Variants in ABCA5 observed in about 807,000 individuals in gnomAD.
The protein encoded by ABCA5 is cholesterol transporter ABCA5.
Under a neutral mutation model 206.0 loss-of-function variants are expected in ABCA5, and 163 were observed. The ratio of observed to expected loss-of-function variants is 0.79; its 90% CI spans 0.70 to 0.90. The LOEUF is 0.90. Among genes scored for constraint, ABCA5 ranks in the 40% least tolerant of loss-of-function variants. ABCA5 has a pLI of 0.00. For synonymous variants in ABCA5, 609 were observed against 613.8 expected (o/e 0.99, Z 0.11); for missense variants, 1,859 against 1,912.9 (o/e 0.97, Z 0.53).
chr17:69,272,681 C>T (rs1159329886), intron 20 of ABCA5, among the ~76,000 whole-genome samples: 1 of 151,936 alleles, frequency 6.6e-6, no homozygotes, highest in African/African-American at 2.4e-5. Flanking sequence ...ATTGCAAAAC[C>T]TAACATTTTC....
intron 19 of ABCA5, among the ~76,000 whole-genome samples, chr17:69,274,593 G>GAA (rs561386053): frequency 7.2e-6 from 1 of 139,852 alleles, no homozygotes; most frequent in East Asian, 2.1e-4. Context: ...AAAAAAAACT[G>GAA]AAAAAAAAAA....
In ABCA5 at chr17:69,247,001, CA is replaced by C. The variant is rs2074959023; in HGVS notation, c.*535del. ...GCCACCTAGTGGATATAACTTTCCT[CA>C]AATCTCTATATTGAGATTTCCTAGT... On this transcript the variant is annotated 3_prime_UTR_variant, in exon 39 of 39. Coordinates refer to ENST00000392676, the MANE Select transcript of ABCA5 (RefSeq NM_172232.4). 1 of 152,008 alleles carries C rather than the reference CA, an allele frequency of 6.6e-6. No homozygotes were observed. The highest frequency in any genetic ancestry group is 2.4e-5 in the African/African-American group (1 of 41,442). 9.4% of individuals were successfully genotyped at this position (152,008 alleles called of 1,614,324 possible).
intron 9 of ABCA5, among the ~76,000 whole-genome samples, chr17:69,298,644 C>T (rs575295800): frequency 3.8e-4 from 57 of 151,784 alleles, no homozygotes; most frequent in Non-Finnish European, 7.2e-4. Flanking sequence ...GCAAGCCACA[C>T]GTAGAAGAAT....
At chr17:69,293,857 TGTGTGTGTGTGTGTGC>T (rs779366368) in intron 11 of ABCA5, among the ~76,000 whole-genome samples, 581 of 106,782 alleles carry the variant, frequency 5.4e-3, no homozygotes, top group Admixed American at 8.0e-3. Context: ...TGTGTGTGTG[TGTGTGTGTGTGTGTGC>T]GTGTGTGTGT....
At position 69,267,992 on chromosome 17, in the gene ABCA5, A is replaced by G; in HGVS notation, c.3095T>C (p.Val1032Ala). The G allele has an allele frequency of 6.2e-7, 1 of 1,612,328 alleles. No individual in the cohort carries two copies. The highest frequency in any genetic ancestry group is 2.2e-5 in the East Asian group (1 of 44,730). ...GGCAAAGTAAGGTGGCATTGCAGTA[A>G]CAATGATTCCAAGCAAAGCTGCTTG... ...YFQAALLGIIVTAMPPYFAME... is the reference protein window; with the variant it reads ...YFQAALLGIIATAMPPYFAME... Residue 1032 changes from valine to alanine, a missense_variant, in exon 23 of 39, where the codon GTT becomes GCT. Physicochemically the swap from Val to Ala is moderately conservative, Grantham distance 64 (BLOSUM62 0). Transcript: ENST00000392676.
At chr17:69,256,067 G>A (rs2075074834) in intron 29 of ABCA5, 90 bp downstream of exon 29, 29 of 1,420,994 alleles carry the variant, frequency 2.0e-5, no homozygotes, top group Non-Finnish European at 2.7e-5. Flanking sequence ...TGCTTCATAT[G>A]CAAAGAAAAA....
chr17:69,252,016 A>ACTTTTATATACTTTTTTT, intron 34 of ABCA5, 150 bp from the exon 35 acceptor site: 1 of 612,598 alleles, frequency 1.6e-6, no homozygotes, highest in Non-Finnish European at 2.6e-6. Flanking sequence ...CCCAACTATG[A>ACTTTTATATACTTTTTTT]TTTTTTTTTT....
intron 18 of ABCA5, among the ~76,000 whole-genome samples, chr17:69,279,490 T>A (rs1288854883): frequency 6.6e-6 from 1 of 151,652 alleles, no homozygotes; most frequent in Non-Finnish European, 1.5e-5. Flanking sequence ...GCCATCCCCA[T>A]CAAGCTACCA....
In ABCA5 at chr17:69,245,406, A is replaced by G. The variant is rs201339831; in HGVS notation, c.*2131T>C. ...ATAGAAAAAAGTTTTGAGATCAGTAATTTAAGACATTTTAAAATTAGTATG... is the reference window on the plus strand; with the variant it reads ...ATAGAAAAAAGTTTTGAGATCAGTAGTTTAAGACATTTTAAAATTAGTATG... On this transcript the variant is annotated 3_prime_UTR_variant, in exon 39 of 39. Transcript: ENST00000392676. 1.8e-4 allele frequency: 27 copies of G among 152,074 alleles called. No individual in the cohort carries two copies. In the East Asian group the frequency reaches 5.2e-3, roughly 29 times the overall value. 9.4% of individuals were successfully genotyped at this position (152,074 alleles called of 1,614,324 possible).
Position 69,326,166 on chromosome 17 carries a change from C to T in ABCA5, c.-16+886G>A, listed in dbSNP as rs1598216372. On this transcript the variant is annotated intron_variant, in intron 1 of 38. Transcript: ENST00000392676. The surrounding 1 kb of genome is among the most constrained non-coding windows in gnomAD (Gnocchi z 4.8). ...CTGAGACCTTAATAAGTTACTTAAC[C>T]TCTTTGAGGCCCATTCTCCACACCT... Among the ~76,000 whole-genome samples the T allele has an allele frequency of 1.3e-5, 2 of 152,142 alleles. No homozygotes were observed. The highest frequency in any genetic ancestry group is 2.9e-5 in the Non-Finnish European group (2 of 68,024).
At chr17:69,282,910 C>T (rs2075410801) in intron 18 of ABCA5, among the ~76,000 whole-genome samples, 1 of 151,722 alleles carries the variant, frequency 6.6e-6, no homozygotes. Flanking sequence ...TTCTCCTGAG[C>T]CTCTAACACT....
chr17:69,317,595 T>A (rs1206700977), intron 1 of ABCA5: 3 of 151,012 alleles, frequency 2.0e-5, no homozygotes, highest in Non-Finnish European at 4.4e-5. Flanking sequence ...CCAGGGAGAG[T>A]AAAGAATGAG....
At chr17:69,258,148 C>T (rs1351909662) in intron 28 of ABCA5, among the ~76,000 whole-genome samples, 1 of 151,948 alleles carries the variant, frequency 6.6e-6, no homozygotes, top group African/African-American at 2.4e-5. Context: ...TACCATTCAA[C>T]CCAGCAATCC....
In ABCA5 at chr17:69,291,422, A is replaced by G. The variant is rs1317165742; in HGVS notation, c.1496-96T>C. On this transcript the variant is annotated intron_variant, in intron 11 of 38. Coordinates refer to ENST00000392676, the MANE Select transcript of ABCA5 (RefSeq NM_172232.4). ...ATTTGAGCAATCTTCAAGGCACTAT[A>G]TCTATAAATACATATTTAAAGTTAC... is the stretch of plus-strand genomic sequence containing the variant. 4.5e-6 allele frequency: 3 copies of G among 669,616 alleles called. No individual in the cohort carries two copies. The Admixed American group carries it at 8.9e-5, about 20-fold the overall frequency. The allele number at this position is 669,616 out of a possible 1,614,324, so 41.5% of individuals were successfully genotyped here.
chr17:69,245,611 T>C lies in ABCA5; in HGVS notation c.*1926A>G, dbSNP rs1219822401. The stretch of plus-strand genomic sequence containing the variant: ...ACAACCAAAATATATTCTGAGTATA[T>C]AAAAACTAAAAAAAAATTTGAATGT... On this transcript the variant is annotated 3_prime_UTR_variant, in exon 39 of 39. Transcript: ENST00000392676. 6.6e-6 allele frequency: 1 copy of C among 151,762 alleles called. No individual in the cohort carries two copies. The highest frequency in any genetic ancestry group is 2.4e-5 in the African/African-American group (1 of 41,366). The allele number at this position is 151,762 out of a possible 1,614,324, so 9.4% of individuals were successfully genotyped here. A position where few individuals can be genotyped will look rare whatever the true frequency, so the allele number is the denominator to read the frequency against.
rs764500531 is a variant in ABCA5 at position 69,254,514 on chromosome 17, T to C, written c.4069-24A>G. Reference sequence around the variant, plus strand: ...ACCTATAGAAACACAAACCAATTTTTATTATTTTGCTTAATTTACACTGTG... The same window carrying C: ...ACCTATAGAAACACAAACCAATTTTCATTATTTTGCTTAATTTACACTGTG... On this transcript the variant is annotated intron_variant, in intron 31 of 38. Transcript: ENST00000392676. 18 of 1,598,190 alleles carry C rather than the reference T, an allele frequency of 1.1e-5. No individual in the cohort carries two copies. The Admixed American group carries it at 3.1e-4, about 28-fold the overall frequency.
At position 69,295,445 on chromosome 17, in the gene ABCA5, T is replaced by C. The variant is rs144240299; in HGVS notation, c.1437-732A>G. On this transcript the variant is annotated intron_variant, in intron 10 of 38. Coordinates refer to ENST00000392676, the MANE Select transcript of ABCA5 (RefSeq NM_172232.4). ...CATGATATGCAATTTACTGGAGAGATGAACAGCTCACAAGGAGATAATTGA... is the reference window on the plus strand; with the variant it reads ...CATGATATGCAATTTACTGGAGAGACGAACAGCTCACAAGGAGATAATTGA... Among the ~76,000 whole-genome samples the C allele has an allele frequency of 1.1e-4, 17 of 152,270 alleles. No individual in the cohort carries two copies. The East Asian group carries it at 2.7e-3, about 24-fold the overall frequency.
chr17:69,255,458 T>A lies in ABCA5; in HGVS notation c.4068+85A>T. ...TAAAAATATACATAAAAATTGAATA[T>A]AAAATCCGAATTTGTCACTAAAAGT... On this transcript the variant is annotated intron_variant, in intron 31 of 38. Coordinates refer to ENST00000392676, the MANE Select transcript of ABCA5 (RefSeq NM_172232.4). The A allele has an allele frequency of 5.9e-6, 5 of 847,340 alleles. No homozygotes were observed. In the South Asian group the frequency reaches 1.8e-4, roughly 30 times the overall value. The allele number at this position is 847,340 out of a possible 1,614,324, so 52.5% of individuals were successfully genotyped here.
chr17:69,294,240 G>A (rs906085382), intron 11 of ABCA5, among the ~76,000 whole-genome samples: 1 of 149,962 alleles, frequency 6.7e-6, no homozygotes, highest in Non-Finnish European at 1.5e-5. Context: ...AGCAAGACAG[G>A]GGCTGGGCGC....
Sources: gnomAD v4.1 joint callset for allele counts (sites outside exome capture counted in the v4.1 genomes callset) on GRCh38, gnomAD v4.1.1 for gene constraint, Gnocchi (gnomAD v3.1) non-coding constraint, MANE v1.5 for transcripts, NCBI Gene and HGNC (gene_info 2026-07-23, HGNC 2026-07-21) for gene names.